Variants in AP4E1 observed in about 807,000 individuals in gnomAD.
AP4E1 encodes adaptor related protein complex 4 subunit epsilon 1.
In AP4E1, 56 loss-of-function variants were observed where a neutral mutation model predicts 128.2. That is an observed-to-expected ratio of 0.44 (90% CI 0.35 to 0.55). The LOEUF (loss-of-function observed/expected upper bound fraction) is 0.55, where lower values mean the gene tolerates loss of function less well. Among genes scored for constraint, AP4E1 ranks in the 20% least tolerant of loss-of-function variants. The probability of loss-of-function intolerance (pLI) is 0.00; values close to 1 mark genes in which losing one functional copy is unlikely to be tolerated. For synonymous variants in AP4E1, 484 were observed against 473.1 expected (o/e 1.02, Z -0.30); for missense variants, 1,324 against 1,307.7 (o/e 1.01, Z -0.19).
intron 8 of AP4E1, among the ~76,000 whole-genome samples, chr15:50,939,436 A>C (rs2063953327): frequency 6.6e-6 from 1 of 152,154 alleles, no homozygotes; most frequent in African/African-American, 2.4e-5. Flanking sequence ...AAAAAAAAAA[A>C]AAGAAATTCT....
chr15:50,944,224 G>A (rs571024296), intron 10 of AP4E1, among the ~76,000 whole-genome samples: 17 of 152,212 alleles, frequency 1.1e-4, no homozygotes, highest in African/African-American at 4.1e-4. Flanking sequence ...CAAATGATAC[G>A]GTGAGAACTT....
At chr15:50,945,013 A>C in intron 10 of AP4E1, 1 of 771,872 alleles carries the variant, frequency 1.3e-6, no homozygotes, top group Non-Finnish European at 2.4e-6. Context: ...ATACGTACTC[A>C]CTTTTGTGGG....
chr15:50,941,915 CTTTTT>C, intron 10 of AP4E1, 140 bp downstream of exon 10: 1 of 684,324 alleles, frequency 1.5e-6, no homozygotes. Flanking sequence ...GTATTTAATC[CTTTTT>C]TTGTTTTCTA....
intron 3 of AP4E1, chr15:50,915,829 A>C: frequency 2.3e-6 from 1 of 440,914 alleles, no homozygotes; most frequent in Non-Finnish European, 4.1e-6. Flanking sequence ...TATATATGTC[A>C]GAACTCATTG....
In AP4E1 at chr15:50,997,622, C is replaced by T. The variant is rs1053987404; in HGVS notation, c.2643C>T (p.Asn881=). 8 of 1,613,914 alleles carry T rather than the reference C, an allele frequency of 5.0e-6. No homozygotes were observed. In the African/African-American group the frequency reaches 1.1e-4, roughly 22 times the overall value. Residue 881 remains asparagine, a synonymous_variant, in exon 18 of 21, where the codon AAC becomes AAT. Coordinates refer to ENST00000261842, the MANE Select transcript of AP4E1 (RefSeq NM_007347.5). ...SLSTPSLFAN[N]NMEIFHPPQS... ...CTACACCTTCATTGTTTGCTAATAACAACATGGAAATTTTTCACCCTCCTC... is the reference window on the plus strand; with the variant it reads ...CTACACCTTCATTGTTTGCTAATAATAACATGGAAATTTTTCACCCTCCTC...
chr15:50,993,228 G>A (rs1374077655), intron 16 of AP4E1, 142 bp from the exon 17 acceptor site: 2 of 839,662 alleles, frequency 2.4e-6, no homozygotes, highest in Non-Finnish European at 3.7e-6. Flanking sequence ...AGAGATCAAG[G>A]TTTTACTTCT....
chr15:50,997,644 C>T lies in AP4E1; in HGVS notation c.2665C>T (p.Pro889Ser), dbSNP rs1364725741. The T allele has an allele frequency of 1.2e-6, 2 of 1,614,060 alleles. No homozygotes were observed. The highest frequency in any genetic ancestry group is 8.5e-7 in the Non-Finnish European group (1 of 1,179,984). The change falls in exon 18 of 21, where the codon CCT (proline) becomes TCT (serine). Residue 889 changes from proline (P) to serine (S), a missense_variant. Transcript: ENST00000261842. The part of the protein sequence containing the change: ...ANNNMEIFHP[P>S]QSTAASVAKE... ...TAACAACATGGAAATTTTTCACCCT[C>T]CTCAATCTACTGCAGCCTCAGTTGC... is the stretch of plus-strand genomic sequence containing the variant.
At chr15:50,914,305 G>A (rs1445111619) in intron 2 of AP4E1, among the ~76,000 whole-genome samples, 1 of 152,004 alleles carries the variant, frequency 6.6e-6, no homozygotes, top group African/African-American at 2.4e-5. Context: ...TGAGCATTTT[G>A]TTATTTAATA....
At chr15:51,002,078 A>G (rs1187469939) in intron 20 of AP4E1, among the ~76,000 whole-genome samples, 1 of 152,020 alleles carries the variant, frequency 6.6e-6, no homozygotes, top group Non-Finnish European at 1.5e-5. Context: ...ATGGGGTTTC[A>G]CCATATTGCC....
chr15:50,961,067 A>G (rs1488462884), intron 14 of AP4E1, among the ~76,000 whole-genome samples: 1 of 152,102 alleles, frequency 6.6e-6, no homozygotes, highest in African/African-American at 2.4e-5. Context: ...AAGATTGCAC[A>G]AGGAAGAAAT....
chr15:50,914,040 G>A (rs1359094959), intron 2 of AP4E1, among the ~76,000 whole-genome samples: 12 of 152,024 alleles, frequency 7.9e-5, no homozygotes, highest in African/African-American at 2.7e-4. Context: ...GGCTGGTCTC[G>A]AACTCCTGAC....
At chr15:50,980,717 G>A (rs2064632291) in intron 15 of AP4E1, among the ~76,000 whole-genome samples, 1 of 152,146 alleles carries the variant, frequency 6.6e-6, no homozygotes, top group African/African-American at 2.4e-5. Flanking sequence ...CCCTTCATGG[G>A]CTTGCTGCCC....
upstream of AP4E1, among the ~76,000 whole-genome samples, chr15:50,907,813 G>GA (rs1567201328): frequency 6.6e-6 from 1 of 152,086 alleles, no homozygotes; most frequent in Non-Finnish European, 1.5e-5. Context: ...CGACCCTGAG[G>GA]TCACCAGACC....
At chr15:50,998,126 C>G (rs549736799) in intron 18 of AP4E1, among the ~76,000 whole-genome samples, 2 of 152,258 alleles carry the variant, frequency 1.3e-5, no homozygotes, top group Non-Finnish European at 2.9e-5. Context: ...TCTTTCTTCC[C>G]TAGCTCTAAC....
chr15:50,923,870 C>A, intron 3 of AP4E1, 61 bp from the exon 4 acceptor site: 1 of 1,283,580 alleles, frequency 7.8e-7, no homozygotes, highest in Non-Finnish European at 1.1e-6. Flanking sequence ...CTTTGTTTAA[C>A]TTCGTGTGAA....
chr15:50,997,408 C>A lies in AP4E1; in HGVS notation c.2429C>A (p.Thr810Asn), dbSNP rs75130619. The A allele has an allele frequency of 1.2e-6, 2 of 1,612,486 alleles. No individual in the cohort carries two copies. The highest frequency in any genetic ancestry group is 8.5e-7 in the Non-Finnish European group (1 of 1,179,358). The change falls in exon 18 of 21, where the codon ACT becomes AAT. Residue 810 changes from threonine (T) to asparagine (N), a missense_variant. Coordinates refer to ENST00000261842, the MANE Select transcript of AP4E1 (RefSeq NM_007347.5). ...KEAKSGETTSTHNMTCSSFSS... is the reference protein window; with the variant it reads ...KEAKSGETTSNHNMTCSSFSS... The stretch of plus-strand genomic sequence containing the variant: ...GCTAAAAGTGGCGAAACAACCAGTA[C>A]TCATAATATGACCTGTTCTTCCTTT...
chr15:50,971,635 A>T (rs528545113), intron 15 of AP4E1, among the ~76,000 whole-genome samples: 23 of 152,040 alleles, frequency 1.5e-4, no homozygotes, highest in African/African-American at 5.1e-4. Flanking sequence ...TCATTTTTTT[A>T]AAAATTATTT....
chr15:50,923,518 A>G (rs1476924124), intron 3 of AP4E1, among the ~76,000 whole-genome samples: 1 of 152,074 alleles, frequency 6.6e-6, no homozygotes, highest in African/African-American at 2.4e-5. Flanking sequence ...GTAACTCACT[A>G]TTAACTGTAG....
chr15:50,986,191 CT>C (rs201298969), intron 16 of AP4E1, among the ~76,000 whole-genome samples: 20,708 of 152,094 alleles, frequency 0.14, 1,550 homozygotes, highest in South Asian at 0.19. Flanking sequence ...TGCTTATCAG[CT>C]TAAGGAGATT....
Sources: allele counts gnomAD v4.1 joint callset (sites outside exome capture counted in the v4.1 genomes callset), GRCh38; gene constraint gnomAD v4.1.1; transcripts MANE v1.5; gene names NCBI Gene and HGNC (gene_info 2026-07-23, HGNC 2026-07-21).